AHDC1: variants seen among roughly 807,000 people sequenced by gnomAD.
AHDC1 encodes AT-hook DNA binding motif containing 1, also known as transcription factor Gibbin.
A neutral mutation model predicts 87.9 loss-of-function variants in AHDC1; 7 were observed. The observed-to-expected ratio is 0.08, with a 90% CI of 0.05 to 0.15. AHDC1 has a LOEUF of 0.15. Ranked by LOEUF, AHDC1 falls within the 10% of genes least tolerant of loss-of-function variation. The pLI is 1.00. For synonymous variants in AHDC1, 1,051 were observed against 1,006.8 expected (o/e 1.04, Z -0.83); for missense variants, 1,841 against 2,253.2 (o/e 0.82, Z 3.70).
chr1:27,538,113 T>C (rs2018727578), intron 8 of AHDC1, among the ~76,000 whole-genome samples: 1 of 151,226 alleles, frequency 6.6e-6, no homozygotes, highest in South Asian at 2.1e-4. Flanking sequence ...CAAAAAAGAG[T>C]GCATGAGGCC....
chr1:27,554,279 CT>C (rs1410051640), intron 5 of AHDC1, among the ~76,000 whole-genome samples: 1 of 152,218 alleles, frequency 6.6e-6, no homozygotes, highest in Non-Finnish European at 1.5e-5. Context: ...CATCCTACCT[CT>C]GGCCTTGTCC....
rs879620229 is a variant in AHDC1, at chr1:27,593,630, C to T, written c.-629+9767G>A. ...ATGGGCACATATGTGCAAACACCCC[C>T]GGTGGGTCTTGGCATGCCTGCCCAT... is the stretch of plus-strand genomic sequence containing the variant. On this transcript the variant is annotated intron_variant, in intron 3 of 8. Transcript: ENST00000673934. This position sits in a 1 kb window ranked among gnomAD's most constrained non-coding sequence, Gnocchi z 4.9. Among the ~76,000 whole-genome samples, 2 of 152,350 alleles carry T rather than the reference C, an allele frequency of 1.3e-5. No homozygotes were observed. The highest frequency in any genetic ancestry group is 2.9e-5 in the Non-Finnish European group (2 of 68,028).
At chr1:27,557,030 AC>A (rs2019850202) in intron 5 of AHDC1, among the ~76,000 whole-genome samples, 1 of 21,754 alleles carries the variant, frequency 4.6e-5, no homozygotes, top group South Asian at 1.3e-3. Context: ...ACCCCACCCT[AC>A]CCCCAGCCAC....
chr1:27,552,275 C>G, intron 7 of AHDC1, 86 bp from the exon 8 acceptor site: 1 of 1,269,586 alleles, frequency 7.9e-7, no homozygotes, highest in Non-Finnish European at 1.0e-6. Context: ...TCCTGGACCC[C>G]TCCCTCCTGA....
chr1:27,586,099 A>T (rs2089048930), intron 3 of AHDC1, among the ~76,000 whole-genome samples: 2 of 152,100 alleles, frequency 1.3e-5, no homozygotes, highest in Admixed American at 1.3e-4. Flanking sequence ...CTGACCCCCA[A>T]CTTCAAAAGT....
chr1:27,566,338 C>T (rs1160453802), intron 3 of AHDC1, among the ~76,000 whole-genome samples: 4 of 149,878 alleles, frequency 2.7e-5, no homozygotes, highest in African/African-American at 4.9e-5. Context: ...GCGACCATGC[C>T]AGAGGAAGGA....
rs1461582216 is a variant in AHDC1 at position 27,547,821 on chromosome 1, G to T, written c.4295C>A (p.Ala1432Asp). The part of the protein sequence containing the change: ...CEPLKHGLQG[A>D]SLGHAAAAQA... The stretch of plus-strand genomic sequence containing the variant: ...GGCTGCAGCTGCGTGGCCCAGGCTG[G>T]CCCCCTGGAGTCCATGCTTGAGGGG... Residue 1432 changes from alanine (A) to aspartate (D), a missense_variant, in exon 8 of 9, where the codon GCC (alanine) becomes GAC (aspartate). By Grantham distance (126) the Ala-to-Asp change is moderately radical. Coordinates refer to ENST00000673934, the MANE Select transcript of AHDC1 (RefSeq NM_001371928.1). The surrounding 1 kb of genome is among the most constrained non-coding windows in gnomAD (Gnocchi z 4.9). 2 of 1,548,960 alleles carry T rather than the reference G, an allele frequency of 1.3e-6. No homozygotes were observed. Among genetic ancestry groups the T allele is most frequent in the Middle Eastern group, 2.2e-4 (1 of 4,626 alleles).
chr1:27,596,300 C>A (rs952651422), intron 3 of AHDC1, among the ~76,000 whole-genome samples: 1 of 152,010 alleles, frequency 6.6e-6, no homozygotes, highest in Non-Finnish European at 1.5e-5. Flanking sequence ...TTCAGATGGT[C>A]GAGGCAGGAG....
At chr1:27,580,345 G>A (rs1278634177) in intron 3 of AHDC1, among the ~76,000 whole-genome samples, 2 of 152,148 alleles carry the variant, frequency 1.3e-5, no homozygotes, top group Non-Finnish European at 2.9e-5. Context: ...GGCTCTAAAT[G>A]AAATCCGCAT....
At chr1:27,592,856 ACTC>A (rs1480159772) in intron 3 of AHDC1, among the ~76,000 whole-genome samples, 1 of 151,466 alleles carries the variant, frequency 6.6e-6, no homozygotes. Flanking sequence ...GTTCTTCCGC[ACTC>A]CTCTACCTCG....
chr1:27,552,281 C>T, intron 7 of AHDC1, 92 bp from the exon 8 acceptor site: 1 of 1,222,668 alleles, frequency 8.2e-7, no homozygotes, highest in Non-Finnish European at 1.0e-6. Flanking sequence ...ACCCCTCCCT[C>T]CTGAGGTCTC....
rs1285804431 is a variant in AHDC1, at chr1:27,598,669, A to C, written c.-629+4728T>G. On this transcript the variant is annotated intron_variant, in intron 3 of 8. Coordinates refer to ENST00000673934, the MANE Select transcript of AHDC1 (RefSeq NM_001371928.1). This position sits in a 1 kb window ranked among gnomAD's most constrained non-coding sequence, Gnocchi z 4.2. The stretch of plus-strand genomic sequence containing the variant: ...CATCTACCCATAGGGACGTGGGGGG[A>C]TCACACCAGTGTCACCCCCACAACA... Among the ~76,000 whole-genome samples, 1 of 152,048 alleles carries C rather than the reference A, an allele frequency of 6.6e-6. No homozygotes were observed. The highest frequency in any genetic ancestry group is 1.5e-5 in the Non-Finnish European group (1 of 67,976).
chr1:27,588,805 C>T (rs879879460), intron 3 of AHDC1, among the ~76,000 whole-genome samples: 4 of 151,988 alleles, frequency 2.6e-5, no homozygotes, highest in South Asian at 2.1e-4. Context: ...CATGCCATGA[C>T]GGCTTGGGTA....
At chr1:27,591,054 G>A (rs1261946294) in intron 3 of AHDC1, among the ~76,000 whole-genome samples, 3 of 152,190 alleles carry the variant, frequency 2.0e-5, no homozygotes, top group African/African-American at 7.2e-5. Context: ...CCAGGGCCAT[G>A]CTGTGGCCCC....
chr1:27,581,735 C>T (rs1410093508), intron 3 of AHDC1, among the ~76,000 whole-genome samples: 1 of 152,206 alleles, frequency 6.6e-6, no homozygotes, highest in Non-Finnish European at 1.5e-5. Flanking sequence ...TGCGTGTCTG[C>T]CCTGAAACCT....
chr1:27,550,046 G>A lies in AHDC1; in HGVS notation c.2070C>T (p.Ser690=). The A allele has an allele frequency of 1.9e-6, 3 of 1,603,480 alleles. No homozygotes were observed. The highest frequency in any genetic ancestry group is 1.7e-4 in the Middle Eastern group (1 of 6,018). The part of the protein sequence containing the change: ...GGHAAKSARC[S]FSDFFEGIGK... The stretch of plus-strand genomic sequence containing the variant: ...CGATGCCCTCAAAGAAGTCACTGAA[G>A]GAGCATCGGGCTGACTTGGCCGCAT... Residue 690 remains serine (S), a synonymous_variant, in exon 8 of 9, where the codon TCC becomes TCT. Transcript: ENST00000673934.
intron 8 of AHDC1, among the ~76,000 whole-genome samples, chr1:27,545,920 A>G (rs1377247740): frequency 6.6e-6 from 1 of 152,188 alleles, no homozygotes; most frequent in African/African-American, 2.4e-5. Context: ...GTCCTCCCGG[A>G]GGCCTCCGGA....
chr1:27,537,310 G>A (rs1271625669), intron 8 of AHDC1, among the ~76,000 whole-genome samples: 1 of 152,186 alleles, frequency 6.6e-6, no homozygotes, highest in Non-Finnish European at 1.5e-5. Flanking sequence ...GTCTTTGAGA[G>A]GCTCACAGAT....
rs547257066 is a variant in AHDC1, at chr1:27,551,324, G to C, written c.792C>G (p.Leu264=). Residue 264 remains leucine, a synonymous_variant, in exon 8 of 9, where the codon CTC becomes CTG. Transcript: ENST00000673934. ...GCTCCGGCTCGGGCGATGGTGGCTC[G>C]AGGGCCTGGGCCTCTAGCAGCTGGG... is the stretch of plus-strand genomic sequence containing the variant. ...PEAQLLEAQA[L]EPPSPEPEPQ... is the part of the protein sequence containing the mutation. 4 of 1,612,514 alleles carry C rather than the reference G, an allele frequency of 2.5e-6. No individual in the cohort carries two copies. Among genetic ancestry groups the C allele is most frequent in the African/African-American group, 1.3e-5 (1 of 75,026 alleles).
Sources: allele counts gnomAD v4.1 joint callset (sites outside exome capture counted in the v4.1 genomes callset), GRCh38; gene constraint gnomAD v4.1.1; non-coding constraint Gnocchi (gnomAD v3.1); transcripts MANE v1.5; gene names NCBI Gene and HGNC (gene_info 2026-07-23, HGNC 2026-07-21).